The following PDZD2 variants were observed in gnomAD, a reference collection of about 807,000 sequenced individuals.
PDZD2 encodes the protein PDZ domain containing 2.
Under a neutral mutation model 220.7 loss-of-function variants are expected in PDZD2, and 90 were observed. That is an observed-to-expected ratio of 0.41 (90% CI 0.34 to 0.49). The LOEUF (loss-of-function observed/expected upper bound fraction) is 0.49, where lower values mean the gene tolerates loss of function less well. Among genes scored for constraint, PDZD2 ranks in the 20% least tolerant of loss-of-function variants. The pLI is 0.28. For synonymous variants in PDZD2, 1,375 were observed against 1,450.5 expected, an observed-to-expected ratio of 0.95 and a Z score of 1.18; for missense variants, 3,174 against 3,608.5, an observed-to-expected ratio of 0.88 and a Z score of 3.08.
At chr5:31,751,950 T>C (rs562186959) in intron 1 of PDZD2, among the ~76,000 whole-genome samples, 209 of 152,164 alleles carry the variant, frequency 1.4e-3, no homozygotes, top group Non-Finnish European at 1.9e-3. Flanking sequence ...AGGGAGGATT[T>C]CTCACTGTTC....
intron 1 of PDZD2, among the ~76,000 whole-genome samples, chr5:31,674,101 C>T (rs994745959): frequency 6.6e-6 from 1 of 152,202 alleles, no homozygotes; most frequent in African/African-American, 2.4e-5. Context: ...TCCCAGCCTC[C>T]AGAACCATGA....
chr5:31,862,108 T>TG (rs1373003456), intron 2 of PDZD2, among the ~76,000 whole-genome samples: 3 of 138,050 alleles, frequency 2.2e-5, no homozygotes, highest in African/African-American at 5.5e-5. Flanking sequence ...TGGGTTTTTT[T>TG]TTTTTTTTTT....
At chr5:31,931,730 C>T (rs2150392418) in intron 2 of PDZD2, among the ~76,000 whole-genome samples, 1 of 152,248 alleles carries the variant, frequency 6.6e-6, no homozygotes, top group South Asian at 2.1e-4. Flanking sequence ...CAGCTCTGTC[C>T]ACTAGAGGCT....
chr5:31,900,364 C>T (rs1741965334), intron 2 of PDZD2, among the ~76,000 whole-genome samples: 1 of 152,194 alleles, frequency 6.6e-6, no homozygotes, highest in African/African-American at 2.4e-5. Flanking sequence ...AAGCTATTTA[C>T]ATGTAGACCA....
intron 2 of PDZD2, among the ~76,000 whole-genome samples, chr5:31,883,693 A>C (rs185165724): frequency 2.0e-5 from 3 of 148,646 alleles, no homozygotes; most frequent in African/African-American, 7.5e-5. Flanking sequence ...ATCTCGGCTC[A>C]TTGCAACTTC....
intron 1 of PDZD2, among the ~76,000 whole-genome samples, chr5:31,779,668 C>G (rs191484659): frequency 1.3e-5 from 2 of 152,040 alleles, no homozygotes; most frequent in South Asian, 2.1e-4. Flanking sequence ...CCACCGCGCC[C>G]GGCCAAAAAT....
intron 1 of PDZD2, among the ~76,000 whole-genome samples, chr5:31,640,299 T>G (rs956251700): frequency 2.0e-5 from 3 of 152,192 alleles, no homozygotes; most frequent in African/African-American, 7.2e-5. Context: ...GGACAAGGTC[T>G]GGCATGGGCT....
At chr5:31,799,858 C>T (rs1208279906) in intron 2 of PDZD2, 134 bp downstream of exon 2, 1 of 658,668 alleles carries the variant, frequency 1.5e-6, no homozygotes, top group East Asian at 2.6e-5. Context: ...ATTTAAACCC[C>T]CTCATCCATT....
At chr5:31,665,837 A>G (rs555128917) in intron 1 of PDZD2, among the ~76,000 whole-genome samples, 1 of 152,370 alleles carries the variant, frequency 6.6e-6, no homozygotes, top group South Asian at 2.1e-4. Flanking sequence ...CCAAGAGCCC[A>G]TGAAAAGGCA....
intron 2 of PDZD2, among the ~76,000 whole-genome samples, chr5:31,825,765 A>T (rs921436879): frequency 6.6e-6 from 1 of 152,188 alleles, no homozygotes; most frequent in Non-Finnish European, 1.5e-5. Context: ...TTGAAATAAT[A>T]GTTACCATTT....
chr5:32,017,194 T>C (rs1753851948), intron 6 of PDZD2, among the ~76,000 whole-genome samples: 1 of 152,196 alleles, frequency 6.6e-6, no homozygotes, highest in Non-Finnish European at 1.5e-5. Flanking sequence ...CCCAGCACTT[T>C]GGAAGGCCTA....
In PDZD2 at chr5:32,058,056, C is replaced by T. The variant is rs144128749; in HGVS notation, c.2153C>T (p.Thr718Ile). 15 of 1,610,326 alleles carry T rather than the reference C, an allele frequency of 9.3e-6. No homozygotes were observed. The highest frequency in any genetic ancestry group is 2.2e-5 in the East Asian group (1 of 44,880). The change falls in exon 12 of 25, where the codon ACC becomes ATC. Residue 718 changes from threonine to isoleucine, a missense_variant. By Grantham distance (89) the Thr-to-Ile change is moderately conservative (BLOSUM62 -1). Transcript: ENST00000438447. ...EGSSSSLGRKTPGPKDRIVME... is the reference protein window; with the variant it reads ...EGSSSSLGRKIPGPKDRIVME... ...AGTTCTTCATCCCTGGGTCGGAAGA[C>T]CCCTGGGCCCAAGGACAGGATCGTC...
At chr5:31,675,498 C>T (rs1049190395) in intron 1 of PDZD2, among the ~76,000 whole-genome samples, 8 of 152,120 alleles carry the variant, frequency 5.3e-5, no homozygotes, top group African/African-American at 1.9e-4. Context: ...ATAATAGTAG[C>T]AATGATTTTG....
intron 2 of PDZD2, among the ~76,000 whole-genome samples, chr5:31,954,496 G>A (rs1175677374): frequency 1.3e-5 from 2 of 152,184 alleles, no homozygotes; most frequent in African/African-American, 4.8e-5. Context: ...GCTCAGTGCA[G>A]AGGGTAAAAG....
chr5:31,933,225 T>G (rs977705802), intron 2 of PDZD2, among the ~76,000 whole-genome samples: 1 of 152,192 alleles, frequency 6.6e-6, no homozygotes. Flanking sequence ...ATAGTTTCTT[T>G]TCAAAACTCA....
At chr5:31,929,564 G>T (rs1228760495) in intron 2 of PDZD2, among the ~76,000 whole-genome samples, 2 of 152,158 alleles carry the variant, frequency 1.3e-5, no homozygotes, top group South Asian at 4.1e-4. Flanking sequence ...AAAGAGCAGT[G>T]GAAGGCCAGG....
At chr5:32,028,249 C>G (rs1754829836) in intron 6 of PDZD2, among the ~76,000 whole-genome samples, 2 of 152,146 alleles carry the variant, frequency 1.3e-5, no homozygotes, top group South Asian at 4.1e-4. Flanking sequence ...TGCTATTAGT[C>G]ACAGTGTGTT....
intron 7 of PDZD2, among the ~76,000 whole-genome samples, chr5:32,039,643 A>G (rs1345452913): frequency 8.4e-6 from 1 of 119,486 alleles, no homozygotes. Flanking sequence ...CCGGCCGCCA[A>G]CCTGTCTAGG....
chr5:31,821,445 A>G (rs972553704), intron 2 of PDZD2, among the ~76,000 whole-genome samples: 4 of 151,622 alleles, frequency 2.6e-5, no homozygotes, highest in African/African-American at 9.7e-5. Flanking sequence ...CAATGGCGCG[A>G]TCTTGGCTCA....
Sources: gnomAD v4.1 joint callset for allele counts (sites outside exome capture counted in the v4.1 genomes callset) on GRCh38, gnomAD v4.1.1 for gene constraint, MANE v1.5 for transcripts, NCBI Gene and HGNC (gene_info 2026-07-23, HGNC 2026-07-21) for gene names.